KIAA1549L: variants seen among roughly 807,000 people sequenced by gnomAD.
KIAA1549L encodes UPF0606 protein KIAA1549L.
KIAA1549L carries 88 observed loss-of-function variants against 160.7 expected under a neutral mutation model. That is an observed-to-expected ratio of 0.55 (90% confidence interval 0.46 to 0.65). KIAA1549L has a LOEUF of 0.65. KIAA1549L is among the 30% of genes least tolerant of loss of function. The pLI is 0.00. For synonymous variants in KIAA1549L, 950 were observed against 976.7 expected, an observed-to-expected ratio of 0.97 and a Z score of 0.51; for missense variants, 2,258 against 2,437.5, an observed-to-expected ratio of 0.93 and a Z score of 1.55.
chr11:33,497,499 TAAAAA>T (rs531975899), intron 1 of KIAA1549L, among the ~76,000 whole-genome samples: 14 of 152,172 alleles, frequency 9.2e-5, no homozygotes, highest in African/African-American at 3.1e-4. Context: ...CCCAAAATAA[TAAAAA>T]AAGAATTAGA....
chr11:33,518,562 C>T (rs912639719), intron 1 of KIAA1549L, among the ~76,000 whole-genome samples: 10 of 152,172 alleles, frequency 6.6e-5, no homozygotes, highest in African/African-American at 2.2e-4. Context: ...AAAGTTGGCT[C>T]TGGCTTTGTC....
At chr11:33,400,819 T>G (rs1464193497) in intron 1 of KIAA1549L, among the ~76,000 whole-genome samples, 4 of 152,218 alleles carry the variant, frequency 2.6e-5, no homozygotes, top group Non-Finnish European at 5.9e-5. Flanking sequence ...GATGCTTATA[T>G]GGCATTTAAT....
intron 1 of KIAA1549L, among the ~76,000 whole-genome samples, chr11:33,530,358 C>T (rs1335877908): frequency 5.5e-5 from 8 of 144,560 alleles, no homozygotes; most frequent in Non-Finnish European, 1.2e-4. Flanking sequence ...ACCGAGTTTG[C>T]GCCACTGCAC....
chr11:33,568,603 C>CA (rs889770368), intron 9 of KIAA1549L, among the ~76,000 whole-genome samples: 12 of 152,350 alleles, frequency 7.9e-5, no homozygotes, highest in African/African-American at 2.2e-4. Flanking sequence ...TAGACCCTCT[C>CA]ACCTCCATTC....
chr11:33,421,640 A>C (rs1851013733), intron 1 of KIAA1549L, among the ~76,000 whole-genome samples: 1 of 152,262 alleles, frequency 6.6e-6, no homozygotes, highest in Non-Finnish European at 1.5e-5. Flanking sequence ...CAGATGAATA[A>C]GTAATCCAAA....
chr11:33,514,437 A>G (rs1853295420), intron 1 of KIAA1549L, among the ~76,000 whole-genome samples: 1 of 152,184 alleles, frequency 6.6e-6, no homozygotes, highest in Non-Finnish European at 1.5e-5. Context: ...AGGGTTTTCC[A>G]TCAACATTTT....
At chr11:33,377,198 C>T (rs1053975003) in intron 1 of KIAA1549L, among the ~76,000 whole-genome samples, 4 of 152,282 alleles carry the variant, frequency 2.6e-5, no homozygotes, top group South Asian at 2.1e-4. Flanking sequence ...ATCATTAGAA[C>T]ACGTTTCAGG....
At chr11:33,436,961 C>T (rs1230363934) in intron 1 of KIAA1549L, among the ~76,000 whole-genome samples, 1 of 152,132 alleles carries the variant, frequency 6.6e-6, no homozygotes, top group Non-Finnish European at 1.5e-5. Context: ...GTGGGGTGTT[C>T]TCTGTATAAT....
Position 33,542,399 on chromosome 11 carries a change from C to A in KIAA1549L, c.836C>A (p.Ala279Asp). The A allele has an allele frequency of 7.0e-7, 1 of 1,432,904 alleles. No homozygotes were observed. The highest frequency in any genetic ancestry group is 2.4e-5 in the East Asian group (1 of 42,424). 88.8% of individuals were successfully genotyped at this position (1,432,904 alleles called of 1,614,324 possible). ...KVLLVPQTAP[A>D]DPSLGQNIAN... ...CTGTTAGTTCCCCAAACAGCTCCAG[C>A]CGACCCCTCTTTAGGTCAGAACATA... The change falls in exon 2 of 21, where the codon GCC becomes GAC. Residue 279 changes from alanine (A) to aspartate (D), a missense_variant. Coordinates refer to ENST00000658780, the MANE Select transcript of KIAA1549L (RefSeq NM_012194.3).
chr11:33,506,156 T>C (rs966968403), intron 1 of KIAA1549L, among the ~76,000 whole-genome samples: 2 of 152,168 alleles, frequency 1.3e-5, no homozygotes, highest in Non-Finnish European at 2.9e-5. Flanking sequence ...TACCCAATGG[T>C]AGATACCTTA....
At chr11:33,601,539 G>T (rs1022270333) in intron 13 of KIAA1549L, among the ~76,000 whole-genome samples, 1 of 152,190 alleles carries the variant, frequency 6.6e-6, no homozygotes, top group Non-Finnish European at 1.5e-5. Context: ...TCATCACCTT[G>T]CCAGCTTGCA....
At position 33,489,340 on chromosome 11, in the gene KIAA1549L, G is replaced by A. The variant is rs546031122; in HGVS notation, c.239-52462G>A. On this transcript the variant is annotated intron_variant, in intron 1 of 20. Transcript: ENST00000658780. ...AGAGACAGAGACAGAGGGAGAGAGA[G>A]GGAAAGATATCTCTCTTTCTCTTAC... Among the ~76,000 whole-genome samples, 4 of 152,266 alleles carry A rather than the reference G, an allele frequency of 2.6e-5. No individual in the cohort carries two copies. In the South Asian group the frequency reaches 8.3e-4, roughly 32 times the overall value.
intron 16 of KIAA1549L, among the ~76,000 whole-genome samples, chr11:33,634,898 A>C (rs2065016476): frequency 6.6e-6 from 1 of 152,196 alleles, no homozygotes; most frequent in African/African-American, 2.4e-5. Context: ...ATCGTAGATC[A>C]TCCTTTGGAA....
At chr11:33,592,556 A>G (rs1850088890) in intron 12 of KIAA1549L, among the ~76,000 whole-genome samples, 1 of 141,624 alleles carries the variant, frequency 7.1e-6, no homozygotes, top group Non-Finnish European at 1.6e-5. Flanking sequence ...CTTTTATCTA[A>G]CATGTGTATT....
intron 10 of KIAA1549L, among the ~76,000 whole-genome samples, chr11:33,581,395 A>G (rs529237933): frequency 2.2e-3 from 242 of 108,062 alleles, no homozygotes; most frequent in African/African-American, 9.5e-3. Context: ...CCTTCTGACA[A>G]ATTGTGTGTG....
At chr11:33,392,319 A>G (rs932162693) in intron 1 of KIAA1549L, among the ~76,000 whole-genome samples, 2 of 152,208 alleles carry the variant, frequency 1.3e-5, no homozygotes, top group Non-Finnish European at 2.9e-5. Flanking sequence ...TTGCTTTATC[A>G]TATATCTGTC....
intron 1 of KIAA1549L, among the ~76,000 whole-genome samples, chr11:33,460,227 C>A (rs1049395019): frequency 1.3e-5 from 2 of 152,006 alleles, no homozygotes; most frequent in Non-Finnish European, 2.9e-5. Context: ...CTTGGCTTCA[C>A]TGGAATGGAA....
At chr11:33,496,296 C>G (rs1311640528) in intron 1 of KIAA1549L, among the ~76,000 whole-genome samples, 3 of 152,152 alleles carry the variant, frequency 2.0e-5, no homozygotes, top group Non-Finnish European at 4.4e-5. Context: ...TCTTCACCCA[C>G]AGGCAAACAA....
At chr11:33,626,113 A>G (rs1484985088) in intron 16 of KIAA1549L, among the ~76,000 whole-genome samples, 3 of 149,634 alleles carry the variant, frequency 2.0e-5, no homozygotes, top group African/African-American at 5.0e-5. Flanking sequence ...TGTTCCATTG[A>G]TCTATATCTC....
Sources: allele counts gnomAD v4.1 joint callset (sites outside exome capture counted in the v4.1 genomes callset), GRCh38; gene constraint gnomAD v4.1.1; transcripts MANE v1.5; gene names NCBI Gene and HGNC (gene_info 2026-07-23, HGNC 2026-07-21).